SGCZ: variants seen among roughly 807,000 people sequenced by gnomAD.
SGCZ encodes the protein zeta-sarcoglycan.
SGCZ carries 40 observed loss-of-function variants against 41.3 expected under a neutral mutation model. The observed-to-expected ratio is 0.97, with a 90% confidence interval of 0.75 to 1.26. SGCZ has a LOEUF of 1.26. Among genes scored for constraint, SGCZ ranks in the 50% most tolerant of loss-of-function variants. The probability of loss-of-function intolerance (pLI) is 0.00; values close to 1 mark genes in which losing one functional copy is unlikely to be tolerated. For synonymous variants in SGCZ, 206 were observed against 137.5 expected (o/e 1.50, Z -3.49); for missense variants, 552 against 369.8 (o/e 1.49, Z -4.04).
intron 2 of SGCZ, among the ~76,000 whole-genome samples, chr8:14,515,075 G>C (rs974238265): frequency 1.3e-5 from 2 of 151,890 alleles, no homozygotes; most frequent in African/African-American, 4.8e-5. Context: ...CTTTGCTCTA[G>C]GGAAAATAGG....
chr8:15,035,343 T>A (rs933848934), intron 1 of SGCZ, among the ~76,000 whole-genome samples: 3 of 152,016 alleles, frequency 2.0e-5, no homozygotes, highest in East Asian at 3.9e-4. Flanking sequence ...AAGTCTACAG[T>A]TGATGCACAA....
intron 1 of SGCZ, among the ~76,000 whole-genome samples, chr8:14,991,220 G>A (rs537735483): frequency 1.3e-5 from 2 of 152,048 alleles, no homozygotes; most frequent in South Asian, 2.1e-4. Flanking sequence ...TCTCATTCTG[G>A]GGAAGGTCTT....
intron 1 of SGCZ, among the ~76,000 whole-genome samples, chr8:15,084,603 T>C (rs1290642407): frequency 6.6e-6 from 1 of 151,900 alleles, no homozygotes; most frequent in Admixed American, 6.6e-5. Context: ...AATACAAAAA[T>C]TAGCTGGGCG....
chr8:14,336,119 A>G (rs1802497146), intron 2 of SGCZ, among the ~76,000 whole-genome samples: 1 of 152,006 alleles, frequency 6.6e-6, no homozygotes, highest in South Asian at 2.1e-4. Flanking sequence ...CCATGTGTCC[A>G]TGTGTTCCCA....
intron 1 of SGCZ, among the ~76,000 whole-genome samples, chr8:14,845,147 G>A (rs1446015696): frequency 6.6e-6 from 1 of 152,140 alleles, no homozygotes; most frequent in Admixed American, 6.5e-5. Flanking sequence ...TGAATGAGAT[G>A]ATGGTGCCCA....
At chr8:14,250,968 C>T (rs1189948211) in intron 3 of SGCZ, among the ~76,000 whole-genome samples, 1 of 152,136 alleles carries the variant, frequency 6.6e-6, no homozygotes, top group Non-Finnish European at 1.5e-5. Context: ...TGGCTCATGT[C>T]TGTAATCCTA....
At chr8:14,276,579 T>A (rs1216975354) in intron 3 of SGCZ, among the ~76,000 whole-genome samples, 1 of 152,168 alleles carries the variant, frequency 6.6e-6, no homozygotes, top group East Asian at 1.9e-4. Flanking sequence ...GTTTCCTATA[T>A]CCACTGGCTT....
chr8:14,277,434 G>A (rs200435987), intron 3 of SGCZ, among the ~76,000 whole-genome samples: 1 of 82,786 alleles, frequency 1.2e-5, no homozygotes, highest in Non-Finnish European at 2.9e-5. Flanking sequence ...CCTCATTTCT[G>A]CTATTTCTAG....
At chr8:14,827,656 C>T (rs76781251) in intron 1 of SGCZ, among the ~76,000 whole-genome samples, 12,195 of 152,240 alleles carry the variant, frequency 0.08, 877 homozygotes, top group East Asian at 0.31. Context: ...TTACAACAGA[C>T]ACTGTGTGCC....
At chr8:14,185,709 T>C (rs1804881952) in intron 4 of SGCZ, among the ~76,000 whole-genome samples, 1 of 152,180 alleles carries the variant, frequency 6.6e-6, no homozygotes. Context: ...ATATCCCTGC[T>C]CACTCATCGT....
chr8:14,249,493 G>A (rs1250560362), intron 3 of SGCZ, among the ~76,000 whole-genome samples: 6 of 152,052 alleles, frequency 3.9e-5, no homozygotes, highest in Non-Finnish European at 8.8e-5. Flanking sequence ...AAAGGAACAT[G>A]GTAAAAACAT....
At chr8:14,696,207 A>G (rs1006234783) in intron 1 of SGCZ, among the ~76,000 whole-genome samples, 1 of 152,150 alleles carries the variant, frequency 6.6e-6, no homozygotes, top group Admixed American at 6.5e-5. Context: ...GACATTTAAT[A>G]TGCCTTTAAT....
intron 1 of SGCZ, among the ~76,000 whole-genome samples, chr8:14,809,155 C>T (rs2130531100): frequency 6.6e-6 from 1 of 152,032 alleles, no homozygotes; most frequent in Middle Eastern, 3.4e-3. Flanking sequence ...GGGTGTAGCA[C>T]ACCAGCGTGG....
At chr8:14,251,980 G>C (rs188040281) in intron 3 of SGCZ, among the ~76,000 whole-genome samples, 1 of 152,194 alleles carries the variant, frequency 6.6e-6, no homozygotes, top group Admixed American at 6.5e-5. Context: ...AAAGTGTTGG[G>C]ATTACAGGCG....
intron 3 of SGCZ, among the ~76,000 whole-genome samples, chr8:14,251,880 T>G (rs55755261): frequency 0.66 from 99,651 of 151,876 alleles, 33,004 homozygotes; most frequent in South Asian, 0.79. Flanking sequence ...CACCTAATTT[T>G]TGTACTTTTA....
chr8:15,177,017 AAAAG>A (rs886728781), intron 1 of SGCZ, among the ~76,000 whole-genome samples: 3 of 152,204 alleles, frequency 2.0e-5, no homozygotes, highest in African/African-American at 7.2e-5. Flanking sequence ...AAGAAAAAGA[AAAAG>A]AAAGAAAGAC....
chr8:14,594,050 C>T (rs1585108641), intron 1 of SGCZ, among the ~76,000 whole-genome samples: 1 of 151,958 alleles, frequency 6.6e-6, no homozygotes, highest in Admixed American at 6.6e-5. Flanking sequence ...TGGCACACGC[C>T]TGTGGACCCC....
chr8:14,795,131 T>C (rs1038701986), intron 1 of SGCZ, among the ~76,000 whole-genome samples: 2 of 152,204 alleles, frequency 1.3e-5, no homozygotes, highest in African/African-American at 4.8e-5. Flanking sequence ...TAGGAGGGTT[T>C]AAAATCAAAA....
At chr8:14,955,215 G>T (rs1265905764) in intron 1 of SGCZ, among the ~76,000 whole-genome samples, 1 of 151,960 alleles carries the variant, frequency 6.6e-6, no homozygotes, top group Non-Finnish European at 1.5e-5. Context: ...TTTTCTATAT[G>T]CTTGTCACTT....
Sources: allele counts gnomAD v4.1 joint callset (sites outside exome capture counted in the v4.1 genomes callset), GRCh38; gene constraint gnomAD v4.1.1; transcripts MANE v1.5; gene names NCBI Gene and HGNC (gene_info 2026-07-23, HGNC 2026-07-21).